Variants in UBXN4 observed in about 807,000 individuals in gnomAD.
UBXN4 encodes UBX domain protein 4.
In UBXN4, 35 loss-of-function variants were observed where a neutral mutation model predicts 66.2. The observed-to-expected ratio is 0.53, with a 90% confidence interval of 0.40 to 0.70. UBXN4 has a LOEUF of 0.70. Ranked by LOEUF, UBXN4 falls within the 30% of genes least tolerant of loss-of-function variation. UBXN4 has a pLI of 0.00. For synonymous variants in UBXN4, 203 were observed against 204.5 expected (o/e 0.99, Z 0.06); for missense variants, 533 against 599.8 (o/e 0.89, Z 1.16).
chr2:135,754,642 G>A (rs2077268626), intron 4 of UBXN4, among the ~76,000 whole-genome samples: 1 of 151,880 alleles, frequency 6.6e-6, no homozygotes. Flanking sequence ...AATATTTTTG[G>A]AGCCCCTCTG....
rs546566084 is a variant in UBXN4 at position 135,741,909 on chromosome 2, C to T, written c.-21C>T. 34 of 1,606,160 alleles carry T rather than the reference C, an allele frequency of 2.1e-5. No homozygotes were observed. In the East Asian group the frequency reaches 5.4e-4, roughly 26 times the overall value. Reference sequence around the variant, plus strand: ...CTGCGGAGACTACACACCGAGCGAGCGCCTGGGCCCGAAGGGAGCGATGCT... The same window carrying T: ...CTGCGGAGACTACACACCGAGCGAGTGCCTGGGCCCGAAGGGAGCGATGCT... On this transcript the variant is annotated 5_prime_UTR_variant, in exon 1 of 13. Coordinates refer to ENST00000272638, the MANE Select transcript of UBXN4 (RefSeq NM_014607.4).
At chr2:135,759,138 T>G (rs1031728521) in intron 5 of UBXN4, among the ~76,000 whole-genome samples, 4 of 152,216 alleles carry the variant, frequency 2.6e-5, no homozygotes, top group African/African-American at 9.7e-5. Context: ...GTACTCATCA[T>G]CCTGCGTCAG....
At chr2:135,760,697 G>A (rs1378201763) in intron 5 of UBXN4, among the ~76,000 whole-genome samples, 1 of 152,174 alleles carries the variant, frequency 6.6e-6, no homozygotes, top group Admixed American at 6.5e-5. Flanking sequence ...CTAAAGAAAG[G>A]TGGTTAATTT....
chr2:135,763,402 A>G (rs1355559640), intron 6 of UBXN4, among the ~76,000 whole-genome samples: 1 of 152,184 alleles, frequency 6.6e-6, no homozygotes, highest in Non-Finnish European at 1.5e-5. Context: ...AGTTGGACCC[A>G]TCAGTCCCTG....
intron 6 of UBXN4, among the ~76,000 whole-genome samples, chr2:135,767,425 A>G (rs1289520837): frequency 6.6e-6 from 1 of 152,196 alleles, no homozygotes; most frequent in East Asian, 1.9e-4. Flanking sequence ...GCCCCTTCCC[A>G]ATTATGGATT....
chr2:135,769,748 GTTTT>G lies in UBXN4; in HGVS notation c.603-11_603-8del. ...ATATGATGTGTCTCAATTAGTGGTG[GTTTT>G]TTTTTTTTTAATACAGACTAACAAA... On this transcript the variant is annotated splice_polypyrimidine_tract_variant and intron_variant, in intron 6 of 12. Transcript: ENST00000272638. The G allele has an allele frequency of 2.6e-6, 3 of 1,132,894 alleles. No individual in the cohort carries two copies. The highest frequency in any genetic ancestry group is 3.6e-6 in the Non-Finnish European group (3 of 823,268). The allele number at this position is 1,132,894 out of a possible 1,614,324, so 70.2% of individuals were successfully genotyped here. A position where few individuals can be genotyped will look rare whatever the true frequency, so the allele number is the denominator to read the frequency against.
intron 1 of UBXN4, among the ~76,000 whole-genome samples, chr2:135,747,318 A>C (rs2077213915): frequency 7.0e-6 from 1 of 143,878 alleles, no homozygotes; most frequent in African/African-American, 2.6e-5. Flanking sequence ...ATTGCACTAC[A>C]ACCTGAGCGA....
chr2:135,745,753 T>A (rs1427551472), intron 1 of UBXN4, among the ~76,000 whole-genome samples: 1 of 152,198 alleles, frequency 6.6e-6, no homozygotes, highest in Non-Finnish European at 1.5e-5. Context: ...AAGATGCATT[T>A]AGAGTGATCT....
intron 3 of UBXN4, 74 bp from the exon 4 acceptor site, chr2:135,754,085 T>A (rs1424697180): frequency 1.9e-6 from 2 of 1,050,276 alleles, no homozygotes; most frequent in African/African-American, 3.2e-5. Context: ...TTTGTTTTCC[T>A]TTGTTACCAA....
chr2:135,784,514 G>T lies in UBXN4; in HGVS notation c.*1627G>T. 6.6e-6 allele frequency: 1 copy of T among 152,318 alleles called. No homozygotes were observed. The highest frequency in any genetic ancestry group is 1.9e-4 in the East Asian group (1 of 5,196). 9.4% of individuals were successfully genotyped at this position (152,318 alleles called of 1,614,324 possible). On this transcript the variant is annotated 3_prime_UTR_variant, in exon 13 of 13. Coordinates refer to ENST00000272638, the MANE Select transcript of UBXN4 (RefSeq NM_014607.4). Reference sequence around the variant, plus strand: ...TAATAATGGTAAGATTGGTTTATGTGATTTTAGTGGTATTTTTGGCACCCT... The same window carrying T: ...TAATAATGGTAAGATTGGTTTATGTTATTTTAGTGGTATTTTTGGCACCCT...
In UBXN4 at chr2:135,742,098, C is replaced by G. The variant is rs903074798; in HGVS notation, c.82+87C>G. The G allele has an allele frequency of 3.1e-5, 45 of 1,451,258 alleles. No homozygotes were observed. In the African/African-American group the frequency reaches 5.7e-4, roughly 19 times the overall value. 89.9% of individuals were successfully genotyped at this position (1,451,258 alleles called of 1,614,324 possible). A position where few individuals can be genotyped will look rare whatever the true frequency, so the allele number is the denominator to read the frequency against. Reference sequence around the variant, plus strand: ...TGTATACCTCAGCCGCCGGCCCGCCCTCCCCGAGACGCGGGCTCCTGTCGG... The same window carrying G: ...TGTATACCTCAGCCGCCGGCCCGCCGTCCCCGAGACGCGGGCTCCTGTCGG... On this transcript the variant is annotated intron_variant, in intron 1 of 12. Transcript: ENST00000272638.
chr2:135,776,207 T>TA, intron 9 of UBXN4, 42 bp from the exon 10 acceptor site: 2 of 1,486,794 alleles, frequency 1.3e-6, no homozygotes, highest in Non-Finnish European at 1.9e-6. Context: ...TTAGAGAATA[T>TA]ATAGAGGTGA....
rs187658754 is a variant in UBXN4, at chr2:135,768,721, G to A, written c.603-1048G>A. On this transcript the variant is annotated intron_variant, in intron 6 of 12. Transcript: ENST00000272638. The stretch of plus-strand genomic sequence containing the variant: ...TGGGTTTACAGGCGCTCACCACCAC[G>A]CCCAGATGTTTTTCTATTTTTAGTA... Among the ~76,000 whole-genome samples, 24 of 151,376 alleles carry A rather than the reference G, an allele frequency of 1.6e-4. No individual in the cohort carries two copies. The East Asian group carries it at 4.5e-3, about 28-fold the overall frequency.
chr2:135,770,501 G>A (rs545747584), intron 7 of UBXN4, 70 bp from the exon 8 acceptor site: 13 of 1,096,980 alleles, frequency 1.2e-5, no homozygotes, highest in Non-Finnish European at 1.6e-5. Context: ...TGCAGTTTTC[G>A]TTGCATTCAA....
At chr2:135,743,210 A>G (rs2077188299) in intron 1 of UBXN4, among the ~76,000 whole-genome samples, 1 of 152,196 alleles carries the variant, frequency 6.6e-6, no homozygotes, top group Admixed American at 6.5e-5. Flanking sequence ...TTAAATTTGG[A>G]ATTTATAATT....
At chr2:135,774,630 C>T (rs959518450) in intron 9 of UBXN4, among the ~76,000 whole-genome samples, 2 of 152,066 alleles carry the variant, frequency 1.3e-5, no homozygotes, top group African/African-American at 2.4e-5. Flanking sequence ...GGATCACTTA[C>T]GGCCAGGAGT....
chr2:135,754,748 G>A lies in UBXN4; in HGVS notation c.333+471G>A, dbSNP rs182269841. On this transcript the variant is annotated intron_variant, in intron 4 of 12. Transcript: ENST00000272638. Reference sequence around the variant, plus strand: ...AAATAGCATGAAGTTACAGGTGCCAGTAGCCAGTACCTAATACTTGACTGA... The same window carrying A: ...AAATAGCATGAAGTTACAGGTGCCAATAGCCAGTACCTAATACTTGACTGA... Among the ~76,000 whole-genome samples the A allele has an allele frequency of 4.7e-3, 722 of 152,232 alleles. 6 individuals are homozygous for A. The highest frequency in any genetic ancestry group is 0.016 in the African/African-American group (670 of 41,532).
At chr2:135,764,255 T>C (rs2077334413) in intron 6 of UBXN4, among the ~76,000 whole-genome samples, 1 of 152,218 alleles carries the variant, frequency 6.6e-6, no homozygotes, top group Non-Finnish European at 1.5e-5. Flanking sequence ...GAAAACTAAT[T>C]ACTGTAGTTG....
chr2:135,782,003 GT>G (rs1386492262), intron 12 of UBXN4, among the ~76,000 whole-genome samples: 1 of 152,148 alleles, frequency 6.6e-6, no homozygotes, highest in African/African-American at 2.4e-5. Context: ...GAGCTCCAGA[GT>G]TTTGAGGCTG....
Sources: allele counts gnomAD v4.1 joint callset (sites outside exome capture counted in the v4.1 genomes callset), GRCh38; gene constraint gnomAD v4.1.1; transcripts MANE v1.5; gene names NCBI Gene and HGNC (gene_info 2026-07-23, HGNC 2026-07-21).